The following NRXN1 variants were observed in gnomAD, a reference collection of about 807,000 sequenced individuals.
NRXN1 encodes neurexin 1.
NRXN1 carries 39 observed loss-of-function variants against 150.9 expected under a neutral mutation model. The ratio of observed to expected loss-of-function variants is 0.26; its 90% CI spans 0.20 to 0.34. NRXN1 has a LOEUF of 0.34. NRXN1 is among the 10% of genes least tolerant of loss of function. The probability of loss-of-function intolerance (pLI) is 1.00; values close to 1 mark genes in which losing one functional copy is unlikely to be tolerated. For missense variants in NRXN1, 1,815 were observed against 1,949.9 expected (o/e 0.93, Z 1.30); for synonymous variants, 924 against 757.0 (o/e 1.22, Z -3.62).
At chr2:50,463,396 A>G (rs2088459048) in intron 17 of NRXN1, among the ~76,000 whole-genome samples, 1 of 151,788 alleles carries the variant, frequency 6.6e-6, no homozygotes, top group Non-Finnish European at 1.5e-5. Flanking sequence ...AAGCCAAGGA[A>G]CCATTTCACA....
intron 12 of NRXN1, among the ~76,000 whole-genome samples, chr2:50,519,385 A>G (rs539504183): frequency 2.6e-5 from 4 of 152,070 alleles, no homozygotes; most frequent in African/African-American, 7.2e-5. Context: ...TAATTGAAAA[A>G]TATTGGAATT....
At chr2:50,282,725 A>G (rs1461501902) in intron 17 of NRXN1, among the ~76,000 whole-genome samples, 3 of 152,204 alleles carry the variant, frequency 2.0e-5, no homozygotes, top group African/African-American at 7.2e-5. Context: ...GAATTCTTTG[A>G]AAATATGACT....
At chr2:50,516,766 T>TA (rs397806493) in intron 12 of NRXN1, among the ~76,000 whole-genome samples, 7 of 151,684 alleles carry the variant, frequency 4.6e-5, no homozygotes, top group Non-Finnish European at 1.0e-4. Context: ...TCCTTTTTTT[T>TA]AATAAGCAAA....
intron 8 of NRXN1, among the ~76,000 whole-genome samples, chr2:50,598,696 A>ATATATATATACATATATATG (rs1675697616): frequency 6.8e-6 from 1 of 146,958 alleles, no homozygotes; most frequent in African/African-American, 2.5e-5. Flanking sequence ...ATACATATCT[A>ATATATATATACATATATATG]TATATATATA....
At chr2:50,776,496 T>C (rs1326645172) in intron 5 of NRXN1, among the ~76,000 whole-genome samples, 1 of 151,926 alleles carries the variant, frequency 6.6e-6, no homozygotes, top group East Asian at 1.9e-4. Flanking sequence ...TACTGGTGAC[T>C]TCTTCATTTG....
At chr2:50,364,778 C>T (rs2079470852) in intron 17 of NRXN1, among the ~76,000 whole-genome samples, 1 of 152,050 alleles carries the variant, frequency 6.6e-6, no homozygotes, top group Admixed American at 6.6e-5. Context: ...AGCAATGGAT[C>T]ATGAAGAAAA....
At chr2:50,211,292 C>T (rs1321639099) in intron 18 of NRXN1, among the ~76,000 whole-genome samples, 2 of 151,648 alleles carry the variant, frequency 1.3e-5, no homozygotes, top group East Asian at 1.9e-4. Context: ...TACACATATA[C>T]ATATGTTATA....
chr2:50,375,192 T>G (rs936088841), intron 17 of NRXN1, among the ~76,000 whole-genome samples: 2 of 152,072 alleles, frequency 1.3e-5, no homozygotes, highest in African/African-American at 4.8e-5. Flanking sequence ...AAGAGGAAAG[T>G]TGCATGCTTT....
intron 18 of NRXN1, among the ~76,000 whole-genome samples, chr2:50,222,520 G>T (rs201311762): frequency 6.6e-6 from 1 of 151,916 alleles, no homozygotes; most frequent in Non-Finnish European, 1.5e-5. Flanking sequence ...GGTTCGGCTT[G>T]TATGAATTTG....
chr2:50,689,639 G>A (rs906622816), intron 5 of NRXN1, among the ~76,000 whole-genome samples: 3 of 152,098 alleles, frequency 2.0e-5, no homozygotes, highest in African/African-American at 7.2e-5. Flanking sequence ...CACTCAATAA[G>A]CTTTAGGTAG....
chr2:50,282,315 C>G (rs2071569210), intron 17 of NRXN1, among the ~76,000 whole-genome samples: 1 of 152,126 alleles, frequency 6.6e-6, no homozygotes, highest in Non-Finnish European at 1.5e-5. Context: ...GTCACTCAGT[C>G]AGCAATGTAG....
At chr2:51,022,079 T>C (rs771297787) in intron 2 of NRXN1, among the ~76,000 whole-genome samples, 1 of 152,090 alleles carries the variant, frequency 6.6e-6, no homozygotes, top group South Asian at 2.1e-4. Flanking sequence ...ATCATTATTA[T>C]ACTAAAATTC....
chr2:50,507,495 A>G (rs2092286197), intron 12 of NRXN1, among the ~76,000 whole-genome samples: 1 of 152,212 alleles, frequency 6.6e-6, no homozygotes. Context: ...GGCAAGAAGT[A>G]TAACTGGGAA....
intron 19 of NRXN1, among the ~76,000 whole-genome samples, chr2:50,080,251 A>G (rs895417195): frequency 2.6e-4 from 40 of 152,132 alleles, no homozygotes; most frequent in African/African-American, 9.7e-4. Flanking sequence ...AACTTTTATT[A>G]TGGCATATTG....
intron 2 of NRXN1, among the ~76,000 whole-genome samples, chr2:51,012,018 T>C (rs1336108575): frequency 6.6e-6 from 1 of 152,022 alleles, no homozygotes; most frequent in Non-Finnish European, 1.5e-5. Context: ...TGGATATTCA[T>C]CTCTGTGGCA....
chr2:50,948,789 A>G (rs1164823934), intron 2 of NRXN1, among the ~76,000 whole-genome samples: 2 of 152,008 alleles, frequency 1.3e-5, no homozygotes, highest in Admixed American at 6.6e-5. Context: ...CACTGCATAG[A>G]GCTTATTTGG....
intron 2 of NRXN1, among the ~76,000 whole-genome samples, chr2:50,953,304 C>T (rs568941106): frequency 6.6e-6 from 1 of 152,098 alleles, no homozygotes; most frequent in Admixed American, 6.5e-5. Flanking sequence ...GAGGTTGTTA[C>T]AACATAATGC....
At chr2:50,465,959 T>A (rs1332278345) in intron 16 of NRXN1, among the ~76,000 whole-genome samples, 4 of 151,814 alleles carry the variant, frequency 2.6e-5, no homozygotes, top group Non-Finnish European at 5.9e-5. Flanking sequence ...TATAACTTCA[T>A]GAAATTGAGA....
chr2:50,322,083 T>C (rs1397057561), intron 17 of NRXN1, among the ~76,000 whole-genome samples: 1 of 144,188 alleles, frequency 6.9e-6, no homozygotes, highest in Non-Finnish European at 1.5e-5. Flanking sequence ...AAGCCTGAAA[T>C]GGATTAAATC....
Sources: gnomAD v4.1 joint callset for allele counts (sites outside exome capture counted in the v4.1 genomes callset) on GRCh38, gnomAD v4.1.1 for gene constraint, MANE v1.5 for transcripts, NCBI Gene and HGNC (gene_info 2026-07-23, HGNC 2026-07-21) for gene names.